SCARB2: variants seen among roughly 807,000 people sequenced by gnomAD.
The protein encoded by SCARB2 is lysosome membrane protein 2.
Under a neutral mutation model 58.6 loss-of-function variants are expected in SCARB2, and 29 were observed. The ratio of observed to expected loss-of-function variants is 0.49; its 90% CI spans 0.37 to 0.67. The LOEUF (loss-of-function observed/expected upper bound fraction) is 0.67. Ranked by LOEUF, SCARB2 falls within the 30% of genes least tolerant of loss-of-function variation. SCARB2 has a pLI of 0.00. For synonymous variants in SCARB2, 195 were observed against 210.1 expected, an observed-to-expected ratio of 0.93 and a Z score of 0.62; for missense variants, 488 against 578.5, an observed-to-expected ratio of 0.84 and a Z score of 1.60.
At chr4:76,198,185 A>G (rs887097737) in intron 1 of SCARB2, among the ~76,000 whole-genome samples, 18 of 152,220 alleles carry the variant, frequency 1.2e-4, no homozygotes, top group Non-Finnish European at 2.9e-5. Context: ...GACAAGCATC[A>G]TAGTGTGTGA....
chr4:76,177,621 C>A (rs1732279409), intron 4 of SCARB2, among the ~76,000 whole-genome samples: 1 of 152,132 alleles, frequency 6.6e-6, no homozygotes, highest in African/African-American at 2.4e-5. Context: ...AGGAACACAA[C>A]CCAAATGTCC....
At chr4:76,196,729 T>C (rs966238105) in intron 1 of SCARB2, among the ~76,000 whole-genome samples, 4 of 152,166 alleles carry the variant, frequency 2.6e-5, no homozygotes, top group African/African-American at 7.2e-5. Context: ...CCTATCCCCG[T>C]TTCAAAAACC....
At chr4:76,198,841 A>T (rs201694442) in intron 1 of SCARB2, among the ~76,000 whole-genome samples, 474 of 141,106 alleles carry the variant, frequency 3.4e-3, no homozygotes, top group African/African-American at 0.012. Context: ...AGAGTGAGTG[A>T]GTGTGTGTGT....
chr4:76,179,028 GGTTTTTGTTTTT>G (rs751604931), intron 4 of SCARB2: 41 of 163,028 alleles, frequency 2.5e-4, no homozygotes, highest in African/African-American at 9.3e-4. Context: ...TGCACTCCAG[GGTTTTTGTTTTT>G]GTTTTTGTTT....
chr4:76,203,123 C>T (rs1476067646), intron 1 of SCARB2, among the ~76,000 whole-genome samples: 1 of 152,106 alleles, frequency 6.6e-6, no homozygotes, highest in African/African-American at 2.4e-5. Flanking sequence ...TACAGGTGCA[C>T]ACCACTACAC....
intron 6 of SCARB2, 112 bp downstream of exon 6, chr4:76,175,679 T>C (rs953239650): frequency 8.0e-7 from 1 of 1,251,342 alleles, no homozygotes; most frequent in African/African-American, 1.5e-5. Context: ...TCACTGATTA[T>C]GCATAAATAT....
intron 8 of SCARB2, among the ~76,000 whole-genome samples, chr4:76,169,341 C>CACACACACACAT (rs3217498): frequency 1.3e-4 from 19 of 151,240 alleles, no homozygotes; most frequent in East Asian, 5.9e-4. Context: ...CACACACACA[C>CACACACACACAT]GTGTGTATGT....
In SCARB2 at chr4:76,195,825, A is replaced by T; in HGVS notation, c.157T>A (p.Trp53Arg). The T allele has an allele frequency of 1.2e-6, 2 of 1,613,958 alleles. No individual in the cohort carries two copies. Among genetic ancestry groups the T allele is most frequent in the Non-Finnish European group, 1.7e-6 (2 of 1,179,810 alleles). The change falls in exon 2 of 12, where the codon TGG (tryptophan) becomes AGG (arginine). Residue 53 changes from tryptophan (W) to arginine (R), a missense_variant. Transcript: ENST00000264896. Reference protein sequence around the residue: ...LRNGTEAFDSWEKPPLPVYTQ... With the variant: ...LRNGTEAFDSREKPPLPVYTQ... ...TACACAGGCAGAGGGGGCTTCTCCC[A>T]GGAGTCAAATGCCTCAGTACCATTC...
intron 5 of SCARB2, 26 bp downstream of exon 5, chr4:76,176,411 T>G: frequency 1.3e-6 from 2 of 1,509,564 alleles, no homozygotes; most frequent in Non-Finnish European, 9.2e-7. Flanking sequence ...GAAAAAATAA[T>G]TCCACTGATA....
intron 1 of SCARB2, among the ~76,000 whole-genome samples, chr4:76,206,719 G>A (rs986997174): frequency 2.7e-5 from 4 of 150,888 alleles, no homozygotes; most frequent in Non-Finnish European, 4.4e-5. Flanking sequence ...ACCAAATTAC[G>A]TCATATGGGT....
chr4:76,220,554 G>C (rs1366295905), intron 1 of SCARB2, among the ~76,000 whole-genome samples: 2 of 152,204 alleles, frequency 1.3e-5, no homozygotes, highest in Non-Finnish European at 2.9e-5. Context: ...TCGAGTCCAG[G>C]AGTTCAAGGC....
intron 1 of SCARB2, among the ~76,000 whole-genome samples, chr4:76,229,251 GT>G (rs1430428259): frequency 6.6e-6 from 1 of 152,012 alleles, no homozygotes; most frequent in African/African-American, 2.4e-5. Flanking sequence ...GTCTTGTATT[GT>G]TTTTTAAATT....
Position 76,161,570 on chromosome 4 carries a change from A to G in SCARB2, c.*143T>C. The G allele has an allele frequency of 2.4e-6, 2 of 839,930 alleles. No homozygotes were observed. 52.0% of individuals were successfully genotyped at this position (839,930 alleles called of 1,614,324 possible). A position where few individuals can be genotyped will look rare whatever the true frequency, so the allele number is the denominator to read the frequency against. On this transcript the variant is annotated 3_prime_UTR_variant, in exon 12 of 12. Transcript: ENST00000264896. ...TCAGCCTGCTCTTTAACCTCTGGCC[A>G]GAATGTTCCTATCACTTGCCAGCGC...
intron 2 of SCARB2, among the ~76,000 whole-genome samples, chr4:76,183,846 G>A (rs1416179385): frequency 6.6e-6 from 1 of 152,174 alleles, no homozygotes; most frequent in Admixed American, 6.5e-5. Flanking sequence ...CATACAAAAA[G>A]ACACTTATCA....
chr4:76,232,252 T>C (rs1008178051), intron 1 of SCARB2, among the ~76,000 whole-genome samples: 1 of 152,246 alleles, frequency 6.6e-6, no homozygotes, highest in African/African-American at 2.4e-5. Flanking sequence ...TTTTCTGAGT[T>C]CAGTCCATTT....
intron 1 of SCARB2, among the ~76,000 whole-genome samples, chr4:76,222,820 A>G (rs2109980793): frequency 6.6e-6 from 1 of 152,338 alleles, no homozygotes; most frequent in South Asian, 2.1e-4. Context: ...GACCCTGGTC[A>G]TGGATATTTC....
At chr4:76,174,082 G>T (rs934729952) in intron 7 of SCARB2, 62 bp downstream of exon 7, 38 of 1,597,170 alleles carry the variant, frequency 2.4e-5, no homozygotes, top group Non-Finnish European at 2.3e-5. Context: ...CATATTCTTT[G>T]TTGAACTCCA....
chr4:76,186,976 T>A (rs1732500047), intron 2 of SCARB2, among the ~76,000 whole-genome samples: 1 of 152,154 alleles, frequency 6.6e-6, no homozygotes, highest in Admixed American at 6.5e-5. Context: ...GATCACGGTG[T>A]TCCTAAATTT....
At chr4:76,229,315 A>G (rs75167214) in intron 1 of SCARB2, among the ~76,000 whole-genome samples, 8,695 of 152,216 alleles carry the variant, frequency 0.057, 268 homozygotes, top group Middle Eastern at 0.082. Context: ...AGCCTTAATA[A>G]TCAACCTTCT....
Sources: allele counts gnomAD v4.1 joint callset (sites outside exome capture counted in the v4.1 genomes callset), GRCh38; gene constraint gnomAD v4.1.1; transcripts MANE v1.5; gene names NCBI Gene and HGNC (gene_info 2026-07-23, HGNC 2026-07-21).